GRIA3: variants seen among roughly 807,000 people sequenced by gnomAD.
GRIA3 encodes the protein glutamate ionotropic receptor AMPA type subunit 3.
GRIA3 carries 3 observed loss-of-function variants against 63.0 expected under a neutral mutation model. The ratio of observed to expected loss-of-function variants is 0.05; its 90% CI spans 0.02 to 0.12. The LOEUF is 0.12. GRIA3 is among the 10% of genes least tolerant of loss of function. The pLI, the probability that GRIA3 is intolerant of heterozygous loss-of-function variation, is 1.00. For missense variants in GRIA3, 347 were observed against 700.9 expected (o/e 0.50, Z 5.70); for synonymous variants, 274 against 257.9 (o/e 1.06, Z -0.60).
At chrX:123,187,119 G>A (rs1927300175) in intron 2 of GRIA3, among the ~76,000 whole-genome samples, 1 of 111,901 alleles carries the variant, frequency 8.9e-6, no homozygotes, top group African/African-American at 3.2e-5. Context: ...TCTTCCAAGG[G>A]AGAAATGATA....
intron 2 of GRIA3, among the ~76,000 whole-genome samples, chrX:123,252,039 C>T (rs765583297): frequency 9.0e-6 from 1 of 111,661 alleles, no homozygotes; most frequent in Admixed American, 9.4e-5. Flanking sequence ...CTTTCAATAC[C>T]TTCTTTATTT....
At chrX:123,196,025 T>C (rs113315302) in intron 2 of GRIA3, among the ~76,000 whole-genome samples, 2 of 111,331 alleles carry the variant, frequency 1.8e-5, no homozygotes, top group African/African-American at 6.5e-5. Flanking sequence ...AGGTCATTAA[T>C]AAGCGCCCAG....
chrX:123,270,987 A>G (rs2044517935), intron 3 of GRIA3, among the ~76,000 whole-genome samples: 1 of 111,967 alleles, frequency 8.9e-6, no homozygotes, highest in African/African-American at 3.2e-5. Flanking sequence ...TCTCCCCTTC[A>G]GATTAATAAG....
Position 123,348,874 on chromosome X carries a change from A to C in GRIA3, c.697-6036A>C, listed in dbSNP as rs768920871. The stretch of plus-strand genomic sequence containing the variant: ...TAGATGAAGATATTCTTAAAATTTC[A>C]ACCATAAATGGGAAACTAACCTTTC... On this transcript the variant is annotated intron_variant, in intron 4 of 15. Transcript: ENST00000620443. Among the ~76,000 whole-genome samples, 13 of 112,290 alleles carry C rather than the reference A, an allele frequency of 1.2e-4. No individual in the cohort carries two copies. The South Asian group carries it at 4.9e-3, about 42-fold the overall frequency.
At chrX:123,292,297 G>A (rs2044660820) in intron 3 of GRIA3, among the ~76,000 whole-genome samples, 2 of 111,492 alleles carry the variant, frequency 1.8e-5, no homozygotes. Flanking sequence ...GTGCCTGGAT[G>A]TACTACAAAT....
At chrX:123,402,196 T>C (rs983688343) in intron 7 of GRIA3, among the ~76,000 whole-genome samples, 4 of 111,205 alleles carry the variant, frequency 3.6e-5, no homozygotes, top group Admixed American at 2.9e-4. Flanking sequence ...CTCTTGTCTG[T>C]TACCTGTCTG....
At chrX:123,325,570 A>G (rs1466741119) in intron 3 of GRIA3, among the ~76,000 whole-genome samples, 1 of 111,663 alleles carries the variant, frequency 9.0e-6, no homozygotes, top group African/African-American at 3.3e-5. Context: ...ACCTTGTTGG[A>G]TAGTCTTTCT....
chrX:123,357,677 C>T (rs1348674944), intron 5 of GRIA3, among the ~76,000 whole-genome samples: 1 of 110,285 alleles, frequency 9.1e-6, no homozygotes, highest in African/African-American at 3.3e-5. Context: ...ACTAGGACAA[C>T]GTTGGGAAAA....
chrX:123,436,314 TG>T (rs200820925), intron 12 of GRIA3, among the ~76,000 whole-genome samples: 1 of 106,851 alleles, frequency 9.4e-6, no homozygotes, highest in African/African-American at 3.8e-5. Context: ...TTTTTGTTTT[TG>T]TTTGTTTGTT....
chrX:123,431,027 T>TACACACACACACATACAC (rs2045615268), intron 12 of GRIA3, among the ~76,000 whole-genome samples: 1 of 99,465 alleles, frequency 1.0e-5, no homozygotes, highest in African/African-American at 3.7e-5. Context: ...GTAACTCACA[T>TACACACACACACATACAC]ACACACACAC....
chrX:123,245,523 A>G (rs1280425714), intron 2 of GRIA3, among the ~76,000 whole-genome samples: 1 of 112,068 alleles, frequency 8.9e-6, no homozygotes, highest in African/African-American at 3.2e-5. Context: ...TCTTTGAAAC[A>G]CATCCTCATT....
At chrX:123,240,234 T>G (rs1317178909) in intron 2 of GRIA3, among the ~76,000 whole-genome samples, 1 of 112,377 alleles carries the variant, frequency 8.9e-6, no homozygotes, top group African/African-American at 3.2e-5. Context: ...CACAAAGTTT[T>G]ACACAGAGCC....
At chrX:123,199,824 T>G (rs965711436) in intron 2 of GRIA3, among the ~76,000 whole-genome samples, 2 of 111,932 alleles carry the variant, frequency 1.8e-5, no homozygotes, top group Non-Finnish European at 3.8e-5. Flanking sequence ...CTGTCATAGT[T>G]TACCACCCTC....
chrX:123,397,441 T>A (rs1307747814), intron 6 of GRIA3, among the ~76,000 whole-genome samples: 2 of 112,124 alleles, frequency 1.8e-5, no homozygotes, highest in African/African-American at 6.5e-5. Flanking sequence ...AAAGCAAAAA[T>A]TAAATAGCTC....
In GRIA3 at chrX:123,384,946, G is replaced by A. The variant is rs185011037; in HGVS notation, c.751-10022G>A. ...GCAAATAGTTTCTCCCATTCTGTAG[G>A]TTGTCTGTTTACTCTGTTGATAGTT... is the stretch of plus-strand genomic sequence containing the variant. On this transcript the variant is annotated intron_variant, in intron 5 of 15. Coordinates refer to ENST00000620443, the MANE Select transcript of GRIA3 (RefSeq NM_007325.5). Among the ~76,000 whole-genome samples the A allele has an allele frequency of 1.2e-3, 140 of 112,261 alleles. 3 individuals are homozygous for A. The highest frequency in any genetic ancestry group is 4.6e-3 in the Middle Eastern group (1 of 219).
chrX:123,403,739 A>T (rs762253286), intron 9 of GRIA3, among the ~76,000 whole-genome samples: 8 of 111,655 alleles, frequency 7.2e-5, no homozygotes. Context: ...ACAGTTTTAG[A>T]TTATCATTTT....
At chrX:123,325,399 T>C (rs1458732448) in intron 3 of GRIA3, among the ~76,000 whole-genome samples, 1 of 112,049 alleles carries the variant, frequency 8.9e-6, no homozygotes, top group Non-Finnish European at 1.9e-5. Context: ...AACCAGGAAT[T>C]CCTGGTAAAT....
chrX:123,383,417 C>A (rs1038989681), intron 5 of GRIA3, among the ~76,000 whole-genome samples: 1 of 111,593 alleles, frequency 9.0e-6, no homozygotes, highest in African/African-American at 3.3e-5. Flanking sequence ...CATTAACCAG[C>A]CTCTCTTCAT....
At chrX:123,350,355 C>T (rs1338824895) in intron 4 of GRIA3, among the ~76,000 whole-genome samples, 2 of 110,921 alleles carry the variant, frequency 1.8e-5, no homozygotes, top group African/African-American at 6.6e-5. Flanking sequence ...TACAAATAAC[C>T]TAATCTGCAT....
Sources: gnomAD v4.1 joint callset for allele counts (sites outside exome capture counted in the v4.1 genomes callset) on GRCh38, gnomAD v4.1.1 for gene constraint, MANE v1.5 for transcripts, NCBI Gene and HGNC (gene_info 2026-07-23, HGNC 2026-07-21) for gene names.